The following CFAP418 variants were observed in gnomAD, a reference collection of about 807,000 sequenced individuals.
CFAP418 encodes the protein cilia and flagella associated protein 418.
Under a neutral mutation model 24.7 loss-of-function variants are expected in CFAP418, and 27 were observed. The ratio of observed to expected loss-of-function variants is 1.09; its 90% confidence interval spans 0.81 to 1.51. The LOEUF is 1.51. Ranked by LOEUF, CFAP418 falls within the 40% of genes most tolerant of loss-of-function variation. CFAP418 has a pLI of 0.00. For synonymous variants in CFAP418, 74 were observed against 87.3 expected (o/e 0.85, Z 0.85); for missense variants, 257 against 255.2 (o/e 1.01, Z -0.05).
At chr8:95,264,210 G>A (rs1587357638) in intron 1 of CFAP418, among the ~76,000 whole-genome samples, 1 of 152,252 alleles carries the variant, frequency 6.6e-6, no homozygotes, top group East Asian at 1.9e-4. Flanking sequence ...TAGAGGGGCC[G>A]AAGGTCATGT....
chr8:95,249,872 C>T (rs533806571), intron 5 of CFAP418, among the ~76,000 whole-genome samples: 4 of 152,294 alleles, frequency 2.6e-5, no homozygotes, highest in East Asian at 1.9e-4. Flanking sequence ...AAAACCAGGT[C>T]GCCAGGTATG....
chr8:95,262,841 T>C (rs1321110288), intron 2 of CFAP418, among the ~76,000 whole-genome samples: 4 of 152,154 alleles, frequency 2.6e-5, no homozygotes, highest in Non-Finnish European at 4.4e-5. Context: ...TCAAAATTTG[T>C]ATGCCTTTTC....
chr8:95,255,669 T>C (rs571521570), intron 4 of CFAP418, among the ~76,000 whole-genome samples: 3 of 152,374 alleles, frequency 2.0e-5, no homozygotes, highest in African/African-American at 7.2e-5. Flanking sequence ...GTTCATTTAA[T>C]CCTTAGGACC....
At chr8:95,258,369 GA>G (rs1383026913) in intron 4 of CFAP418, among the ~76,000 whole-genome samples, 4 of 120,848 alleles carry the variant, frequency 3.3e-5, no homozygotes, top group Non-Finnish European at 6.5e-5. Flanking sequence ...GCGACAGAGC[GA>G]GACTCTGTCT....
At chr8:95,248,160 G>A (rs1369016966) in intron 5 of CFAP418, among the ~76,000 whole-genome samples, 2 of 151,974 alleles carry the variant, frequency 1.3e-5, no homozygotes, top group Admixed American at 6.6e-5. Context: ...TATCTTCCCC[G>A]TATCTGAACA....
rs1214425244 is a variant in CFAP418 at position 95,245,734 on chromosome 8, T to C, written c.*1883A>G. Reference sequence around the variant, plus strand: ...AGCCCGGCAACAGAGTGACACTCCATCTCAAAAAAAAAATTTTTTTTTTCA... The same window carrying C: ...AGCCCGGCAACAGAGTGACACTCCACCTCAAAAAAAAAATTTTTTTTTTCA... On this transcript the variant is annotated 3_prime_UTR_variant, in exon 6 of 6. Transcript: ENST00000286688. The C allele has an allele frequency of 1.3e-5, 2 of 151,728 alleles. No individual in the cohort carries two copies. The highest frequency in any genetic ancestry group is 2.4e-5 in the African/African-American group (1 of 41,318). 9.4% of individuals were successfully genotyped at this position (151,728 alleles called of 1,614,324 possible).
In CFAP418 at chr8:95,258,526, TAAAA is replaced by T. The variant is rs559932582; in HGVS notation, c.374+1310_374+1313del. Among the ~76,000 whole-genome samples the T allele has an allele frequency of 1.7e-4, 25 of 151,154 alleles. No individual in the cohort carries two copies. The South Asian group carries it at 5.2e-3, about 31-fold the overall frequency. ...TAAAAAGAATCAAAAGTTAAAAAAA[TAAAA>T]AAATTTATAAATGAAGTTTCAGTAA... On this transcript the variant is annotated intron_variant, in intron 4 of 5. Coordinates refer to ENST00000286688, the MANE Select transcript of CFAP418 (RefSeq NM_177965.4).
At chr8:95,262,001 T>C (rs1194961787) in intron 2 of CFAP418, among the ~76,000 whole-genome samples, 3 of 152,254 alleles carry the variant, frequency 2.0e-5, no homozygotes, top group African/African-American at 7.2e-5. Flanking sequence ...AAGTATTCTA[T>C]TTGCAGGGTA....
At chr8:95,263,828 A>T in intron 1 of CFAP418, 54 bp from the exon 2 acceptor site, 1 of 1,001,594 alleles carries the variant, frequency 1.0e-6, no homozygotes, top group Non-Finnish European at 1.6e-6. Flanking sequence ...GAGCAGAGAA[A>T]GCTAGTATCA....
intron 4 of CFAP418, among the ~76,000 whole-genome samples, chr8:95,259,588 C>T (rs1811851496): frequency 6.6e-6 from 1 of 152,058 alleles, no homozygotes; most frequent in Non-Finnish European, 1.5e-5. Flanking sequence ...GGAAACAAAG[C>T]TGGGACTGGA....
At chr8:95,261,904 C>G (rs1173664622) in intron 2 of CFAP418, among the ~76,000 whole-genome samples, 1 of 152,172 alleles carries the variant, frequency 6.6e-6, no homozygotes, top group Admixed American at 6.5e-5. Context: ...TGAAGAGCAA[C>G]AAAATGATGT....
chr8:95,249,167 C>A (rs193064172), intron 5 of CFAP418, among the ~76,000 whole-genome samples: 2 of 152,046 alleles, frequency 1.3e-5, no homozygotes, highest in Non-Finnish European at 2.9e-5. Context: ...GAATCCTTAG[C>A]GATTTTAGGA....
In CFAP418 at chr8:95,268,764, G is replaced by A. The variant is rs1355700430; in HGVS notation, c.155+271C>T. Reference sequence around the variant, plus strand: ...CTGCGGGCTCTGCGGGCGGGGCGGGGCGGGGCGGGGCGGGGCGGGGCGGGG... The same window carrying A: ...CTGCGGGCTCTGCGGGCGGGGCGGGACGGGGCGGGGCGGGGCGGGGCGGGG... On this transcript the variant is annotated intron_variant, in intron 1 of 5. Coordinates refer to ENST00000286688, the MANE Select transcript of CFAP418 (RefSeq NM_177965.4). The A allele has an allele frequency of 1.3e-4, 27 of 206,930 alleles. 1 individual carries two copies. In the East Asian group the frequency reaches 2.2e-3, roughly 17 times the overall value. The allele number at this position is 206,930 out of a possible 1,614,324, so 12.8% of individuals were successfully genotyped here.
rs898307258 is a variant in CFAP418, at chr8:95,246,926, C to A, written c.*691G>T. 2.0e-5 allele frequency: 3 copies of A among 152,094 alleles called. No homozygotes were observed. The highest frequency in any genetic ancestry group is 7.2e-5 in the African/African-American group (3 of 41,400). The allele number at this position is 152,094 out of a possible 1,614,324, so 9.4% of individuals were successfully genotyped here. A position where few individuals can be genotyped will look rare whatever the true frequency, so the allele number is the denominator to read the frequency against. ...TTTGTGATTTTGGGTGCATCAAACT[C>A]TTTTTATATATTATTGGGTAATCAA... On this transcript the variant is annotated 3_prime_UTR_variant, in exon 6 of 6. Transcript: ENST00000286688.
intron 3 of CFAP418, 29 bp downstream of exon 3, chr8:95,260,439 T>C: frequency 6.6e-7 from 1 of 1,508,214 alleles, no homozygotes; most frequent in Non-Finnish European, 9.1e-7. Flanking sequence ...CAATAGTGTG[T>C]ATAATTCACC....
intron 4 of CFAP418, among the ~76,000 whole-genome samples, chr8:95,257,896 C>T (rs1327811454): frequency 3.3e-5 from 5 of 152,074 alleles, no homozygotes; most frequent in Non-Finnish European, 5.9e-5. Flanking sequence ...GCAGGTCCTT[C>T]GGGAGGTATT....
At chr8:95,268,855 C>T (rs1400431335) in intron 1 of CFAP418, 180 bp downstream of exon 1, 11 of 655,886 alleles carry the variant, frequency 1.7e-5, no homozygotes, top group East Asian at 1.1e-4. Context: ...GTGCCAGAAT[C>T]CGCGAAGAGG....
At chr8:95,266,690 G>GT (rs570433355) in intron 1 of CFAP418, among the ~76,000 whole-genome samples, 6 of 152,072 alleles carry the variant, frequency 3.9e-5, no homozygotes, top group Non-Finnish European at 5.9e-5. Flanking sequence ...CTTTGTTGCT[G>GT]TTTTTTGTAC....
intron 1 of CFAP418, among the ~76,000 whole-genome samples, chr8:95,267,279 T>C (rs1429950433): frequency 6.6e-6 from 1 of 152,246 alleles, no homozygotes; most frequent in Admixed American, 6.5e-5. Context: ...TTTTCGATGC[T>C]TTTATCTTCG....
Sources: allele counts gnomAD v4.1 joint callset (sites outside exome capture counted in the v4.1 genomes callset), GRCh38; gene constraint gnomAD v4.1.1; transcripts MANE v1.5; gene names NCBI Gene and HGNC (gene_info 2026-07-23, HGNC 2026-07-21).